Variants in C14orf132 observed in about 807,000 individuals in gnomAD.
The protein encoded by C14orf132 is uncharacterized protein C14orf132.
Under a neutral mutation model 5.8 loss-of-function variants are expected in C14orf132, and 6 were observed. The ratio of observed to expected loss-of-function variants is 1.03; its 90% CI spans 0.57 to 2.04. C14orf132 has a LOEUF of 2.04. Among genes scored for constraint, C14orf132 ranks in the 30% most tolerant of loss-of-function variants. C14orf132 has a pLI of 0.00. For synonymous variants in C14orf132, 51 were observed against 49.8 expected, an observed-to-expected ratio of 1.02 and a Z score of -0.10; for missense variants, 125 against 115.8, an observed-to-expected ratio of 1.08 and a Z score of -0.37.
chr14:96,042,125 G>C (rs935271037), intron 1 of C14orf132, among the ~76,000 whole-genome samples: 1 of 152,218 alleles, frequency 6.6e-6, no homozygotes, highest in Non-Finnish European at 1.5e-5. Context: ...GCTGAAGATG[G>C]ATTAGAACTG....
chr14:96,042,566 A>G (rs1475062627), intron 1 of C14orf132, among the ~76,000 whole-genome samples: 2 of 152,214 alleles, frequency 1.3e-5, no homozygotes, highest in Admixed American at 6.5e-5. Flanking sequence ...GCTTAAGAAG[A>G]CCCAGAACAC....
chr14:96,090,801 C>A lies in C14orf132; in HGVS notation c.*4066C>A, dbSNP rs1294273304. The A allele has an allele frequency of 2.2e-6, 1 of 456,088 alleles. No individual in the cohort carries two copies. The highest frequency in any genetic ancestry group is 6.9e-5 in the East Asian group (1 of 14,394). The allele number at this position is 456,088 out of a possible 1,614,324, so 28.3% of individuals were successfully genotyped here. On this transcript the variant is annotated 3_prime_UTR_variant, in exon 2 of 2. Transcript: ENST00000555004. ...TTGGAGGCTGGCCAGACCACTCTGG[C>A]GTCTCCTGAAGTGGGTCCCTGGAGA...
chr14:96,047,358 G>A (rs1409677626), intron 1 of C14orf132, among the ~76,000 whole-genome samples: 1 of 152,184 alleles, frequency 6.6e-6, no homozygotes, highest in Non-Finnish European at 1.5e-5. Flanking sequence ...CAGGTGGATG[G>A]CCAGTCTCCA....
At chr14:96,065,738 AC>A (rs1340419339) in intron 1 of C14orf132, among the ~76,000 whole-genome samples, 1 of 151,854 alleles carries the variant, frequency 6.6e-6, no homozygotes, top group Non-Finnish European at 1.5e-5. Context: ...CACATTCCCC[AC>A]CCATCCTCCT....
In C14orf132 at chr14:96,064,363, T is replaced by TATACACACACAC. The variant is rs1555385083; in HGVS notation, c.28-22147_28-22146insTACACACACACA. ...GGATAAAGAAACTAGGGTGCATATA[T>TATACACACACAC]ACACACACACACACACACACACACA... On this transcript the variant is annotated intron_variant, in intron 1 of 1. Transcript: ENST00000555004. 7.4e-4 allele frequency among the ~76,000 whole-genome samples: 101 copies of TATACACACACAC among 135,878 alleles called. 1 individual carries two copies. Among genetic ancestry groups the TATACACACACAC allele is most frequent in the Non-Finnish European group, 1.1e-3 (68 of 64,704 alleles). 89.1% of individuals were successfully genotyped at this position (135,878 alleles called of 152,430 possible).
chr14:96,066,432 C>G (rs1181227644), intron 1 of C14orf132, among the ~76,000 whole-genome samples: 2 of 152,170 alleles, frequency 1.3e-5, no homozygotes, highest in Non-Finnish European at 2.9e-5. Flanking sequence ...TTCTGAAATG[C>G]TCTCAGGCTT....
chr14:96,085,594 T>G (rs906073260), intron 1 of C14orf132, among the ~76,000 whole-genome samples: 2 of 152,234 alleles, frequency 1.3e-5, no homozygotes, highest in Non-Finnish European at 2.9e-5. Flanking sequence ...TGCAGTGATG[T>G]GCGGCGTGGG....
chr14:96,071,137 C>T (rs1887695369), intron 1 of C14orf132, among the ~76,000 whole-genome samples: 1 of 152,100 alleles, frequency 6.6e-6, no homozygotes, highest in Non-Finnish European at 1.5e-5. Flanking sequence ...CCTCAGGAAA[C>T]TTACAATCAT....
chr14:96,089,922 A>C lies in C14orf132; in HGVS notation c.*3187A>C, dbSNP rs1176131102. On this transcript the variant is annotated 3_prime_UTR_variant, in exon 2 of 2. Coordinates refer to ENST00000555004, the MANE Select transcript of C14orf132 (RefSeq NM_001252507.3). ...AAGGTGACCCCAGGCTCCCCAGGACAGGGGAGAGGGATCGTCCTCATTCAG... is the reference window on the plus strand; with the variant it reads ...AAGGTGACCCCAGGCTCCCCAGGACCGGGGAGAGGGATCGTCCTCATTCAG... 6.6e-6 allele frequency: 1 copy of C among 152,386 alleles called. No individual in the cohort carries two copies. The highest frequency in any genetic ancestry group is 1.9e-4 in the East Asian group (1 of 5,170). 9.4% of individuals were successfully genotyped at this position (152,386 alleles called of 1,614,324 possible). A position where few individuals can be genotyped will look rare whatever the true frequency, so the allele number is the denominator to read the frequency against.
At chr14:96,061,394 G>T (rs117689618) in intron 1 of C14orf132, among the ~76,000 whole-genome samples, 1 of 152,092 alleles carries the variant, frequency 6.6e-6, no homozygotes, top group Non-Finnish European at 1.5e-5. Flanking sequence ...GCATGTATTC[G>T]CACCCCTTAT....
In C14orf132 at chr14:96,067,902, T is replaced by C. The variant is rs79074690; in HGVS notation, c.28-18609T>C. 3.0e-4 allele frequency among the ~76,000 whole-genome samples: 45 copies of C among 152,212 alleles called. No homozygotes were observed. In the East Asian group the frequency reaches 5.4e-3, roughly 18 times the overall value. ...GGGTTCCAGAGAGAGTTATGTCTTC[T>C]TTACTATGTGTGCCTGTGTCCTCGC... On this transcript the variant is annotated intron_variant, in intron 1 of 1. Transcript: ENST00000555004.
intron 1 of C14orf132, among the ~76,000 whole-genome samples, chr14:96,074,876 T>G (rs1394004300): frequency 3.3e-5 from 5 of 152,090 alleles, no homozygotes; most frequent in Admixed American, 2.6e-4. Context: ...GTTTTCTTTT[T>G]CAAAATTGTT....
Position 96,039,444 on chromosome 14 carries a change from C to G in C14orf132, c.-57C>G. ...CGATCCCCGCCAACTGTGCAGGCGG[C>G]TGACCCGCAGCGGCAGCGGCAGCAG... On this transcript the variant is annotated 5_prime_UTR_variant, in exon 1 of 2. Transcript: ENST00000555004. This position sits in a 1 kb window ranked among gnomAD's most constrained non-coding sequence, Gnocchi z 5.3. The G allele has an allele frequency of 6.8e-7, 1 of 1,466,458 alleles. No individual in the cohort carries two copies. The highest frequency in any genetic ancestry group is 1.5e-5 in the African/African-American group (1 of 68,820). 90.8% of individuals were successfully genotyped at this position (1,466,458 alleles called of 1,614,324 possible).
In C14orf132 at chr14:96,091,378, G is replaced by A. The variant is rs1003858816; in HGVS notation, c.*4643G>A. On this transcript the variant is annotated 3_prime_UTR_variant, in exon 2 of 2. Transcript: ENST00000555004. ...AAGAGGCTTTAGAGAGCATCTAATC[G>A]AGACCTTTAATTTTTCGGGGAGAGC... 2.2e-5 allele frequency: 5 copies of A among 222,464 alleles called. No homozygotes were observed. The highest frequency in any genetic ancestry group is 9.2e-5 in the African/African-American group (4 of 43,352). 13.8% of individuals were successfully genotyped at this position (222,464 alleles called of 1,614,324 possible). A position where few individuals can be genotyped will look rare whatever the true frequency, so the allele number is the denominator to read the frequency against.
rs1457686770 is a variant in C14orf132, at chr14:96,039,985, G to T, written c.27+458G>T. 3.3e-5 allele frequency among the ~76,000 whole-genome samples: 5 copies of T among 152,076 alleles called. No individual in the cohort carries two copies. Among genetic ancestry groups the T allele is most frequent in the Non-Finnish European group, 7.4e-5 (5 of 68,016 alleles). On this transcript the variant is annotated intron_variant, in intron 1 of 1. Coordinates refer to ENST00000555004, the MANE Select transcript of C14orf132 (RefSeq NM_001252507.3). This position sits in a 1 kb window ranked among gnomAD's most constrained non-coding sequence, Gnocchi z 5.3. Reference sequence around the variant, plus strand: ...CTGTCTCTTGCCGGTGACCTCGGGCGCCCCCTTTGCCGCCGCCTGAGGAAG... The same window carrying T: ...CTGTCTCTTGCCGGTGACCTCGGGCTCCCCCTTTGCCGCCGCCTGAGGAAG...
At position 96,093,892 on chromosome 14, in the gene C14orf132, CCT is replaced by C. The variant is rs1349729620; in HGVS notation, c.*7160_*7161del. On this transcript the variant is annotated 3_prime_UTR_variant, in exon 2 of 2. Coordinates refer to ENST00000555004, the MANE Select transcript of C14orf132 (RefSeq NM_001252507.3). ...AAGAGAAAAGAAGAAAACATGAACT[CCT>C]CTGTGTCTGGTTCTCATCTGTGCTT... The C allele has an allele frequency of 2.0e-5, 3 of 152,340 alleles. No individual in the cohort carries two copies. The highest frequency in any genetic ancestry group is 7.2e-5 in the African/African-American group (3 of 41,566). The allele number at this position is 152,340 out of a possible 1,614,324, so 9.4% of individuals were successfully genotyped here.
intron 1 of C14orf132, among the ~76,000 whole-genome samples, chr14:96,050,555 T>C (rs1286901875): frequency 1.3e-5 from 2 of 151,984 alleles, no homozygotes; most frequent in Admixed American, 1.3e-4. Context: ...AATGTTTGAG[T>C]GGTCCCTCTC....
intron 1 of C14orf132, among the ~76,000 whole-genome samples, chr14:96,047,451 G>A (rs1354393068): frequency 1.3e-5 from 2 of 152,150 alleles, no homozygotes; most frequent in African/African-American, 2.4e-5. Context: ...TCTACACTGA[G>A]GTGATGGAGA....
rs144004264 is a variant in C14orf132 at position 96,071,269 on chromosome 14, C to T, written c.28-15242C>T. On this transcript the variant is annotated intron_variant, in intron 1 of 1. Coordinates refer to ENST00000555004, the MANE Select transcript of C14orf132 (RefSeq NM_001252507.3). Reference sequence around the variant, plus strand: ...TTGTGTGAGAACTCACTCACTATCACGAGAACAGCAGCATGGGGGTAACTG... The same window carrying T: ...TTGTGTGAGAACTCACTCACTATCATGAGAACAGCAGCATGGGGGTAACTG... 0.017 allele frequency among the ~76,000 whole-genome samples: 2,543 copies of T among 152,208 alleles called. 249 individuals carry two copies. The East Asian group carries it at 0.28, about 17-fold the overall frequency.
Sources: allele counts gnomAD v4.1 joint callset (sites outside exome capture counted in the v4.1 genomes callset), GRCh38; gene constraint gnomAD v4.1.1; non-coding constraint Gnocchi (gnomAD v3.1); transcripts MANE v1.5; gene names NCBI Gene and HGNC (gene_info 2026-07-23, HGNC 2026-07-21).